Variants in PPME1 observed in about 807,000 individuals in gnomAD.
PPME1 encodes the protein testicular secretory protein Li 39.
PPME1 carries 17 observed loss-of-function variants against 56.9 expected under a neutral mutation model. The observed-to-expected ratio is 0.30, with a 90% CI of 0.20 to 0.45. The LOEUF (loss-of-function observed/expected upper bound fraction) is 0.45. Among genes scored for constraint, PPME1 ranks in the 20% least tolerant of loss-of-function variants. The probability of loss-of-function intolerance (pLI) is 1.00; values close to 1 mark genes in which losing one functional copy is unlikely to be tolerated. For missense variants in PPME1, 357 were observed against 483.2 expected (o/e 0.74, Z 2.45); for synonymous variants, 122 against 156.2 (o/e 0.78, Z 1.63).
chr11:74,203,858 T>G, intron 2 of PPME1, 37 bp downstream of exon 2: 1 of 1,430,452 alleles, frequency 7.0e-7, no homozygotes. Flanking sequence ...TTAGTGAGCT[T>G]ATGATGTTGT....
At chr11:74,245,966 C>CTGTTGGAAGGATTGAATGTATA in intron 9 of PPME1, 110 bp from the exon 10 acceptor site, 4 of 1,300,870 alleles carry the variant, frequency 3.1e-6, no homozygotes, top group Non-Finnish European at 3.1e-6. Flanking sequence ...TTAGTAGGTC[C>CTGTTGGAAGGATTGAATGTATA]TTAATAAGTG....
chr11:74,195,786 T>A (rs757472897), intron 1 of PPME1, among the ~76,000 whole-genome samples: 4 of 152,250 alleles, frequency 2.6e-5, no homozygotes, highest in Admixed American at 1.3e-4. Flanking sequence ...TTAAATTTTA[T>A]GTATCTTAAA....
chr11:74,186,735 A>G (rs1454488992), intron 1 of PPME1, among the ~76,000 whole-genome samples: 1 of 152,238 alleles, frequency 6.6e-6, no homozygotes, highest in East Asian at 1.9e-4. Flanking sequence ...AAATATTTAG[A>G]AGAGAAAACT....
chr11:74,222,145 C>G (rs1291489857), intron 3 of PPME1, among the ~76,000 whole-genome samples, 167 bp from the exon 4 acceptor site: 2 of 152,142 alleles, frequency 1.3e-5, no homozygotes, highest in Admixed American at 6.5e-5. Flanking sequence ...TATGGCAAAA[C>G]TAGTAGAAAA....
chr11:74,240,019 C>G (rs951632438), intron 9 of PPME1, among the ~76,000 whole-genome samples: 1 of 145,012 alleles, frequency 6.9e-6, no homozygotes, highest in Non-Finnish European at 1.5e-5. Context: ...GGCTGAATTC[C>G]TTGGCTCACG....
chr11:74,171,816 T>G (rs575102157), intron 1 of PPME1, among the ~76,000 whole-genome samples: 1 of 151,684 alleles, frequency 6.6e-6, no homozygotes, highest in Admixed American at 6.6e-5. Context: ...TAAAGGAGGC[T>G]TAGAAAAGGG....
intron 9 of PPME1, among the ~76,000 whole-genome samples, chr11:74,244,307 T>TA (rs1418106371): frequency 1.3e-5 from 2 of 152,236 alleles, no homozygotes; most frequent in African/African-American, 4.8e-5. Flanking sequence ...TCCTGGATCA[T>TA]ACAGTAGTTC....
rs1265994610 is a variant in PPME1 at position 74,230,283 on chromosome 11, T to A, written c.437T>A (p.Leu146His). The A allele has an allele frequency of 1.9e-6, 3 of 1,613,138 alleles. No homozygotes were observed. Among genetic ancestry groups the A allele is most frequent in the Non-Finnish European group, 2.5e-6 (3 of 1,179,582 alleles). The change falls in exon 6 of 14, where the codon CTT (leucine) becomes CAT (histidine). Residue 146 changes from leucine (L) to histidine (H), a missense_variant. Leu to His is a moderately conservative substitution (Grantham distance 99, BLOSUM62 -3). Coordinates refer to ENST00000328257, the MANE Select transcript of PPME1 (RefSeq NM_016147.3). The surrounding 1 kb of genome is among the most constrained non-coding windows in gnomAD (Gnocchi z 4.9). ...GTGGTTGAAGCCATGTATGGGGACC[T>A]TCCTCCTCCAATTATGCTGATTGGA... ...GNVVEAMYGD[L>H]PPPIMLIGHS...
chr11:74,248,107 A>G (rs1364184174), intron 11 of PPME1: 1 of 152,510 alleles, frequency 6.6e-6, no homozygotes, highest in Non-Finnish European at 1.5e-5. Context: ...TGTTAGCTAG[A>G]TAACAGTGGA....
At chr11:74,183,410 A>C (rs1349601621) in intron 1 of PPME1, among the ~76,000 whole-genome samples, 1 of 152,246 alleles carries the variant, frequency 6.6e-6, no homozygotes, top group East Asian at 1.9e-4. Context: ...TGTGAGGCAC[A>C]GAAAACTATA....
At chr11:74,221,841 T>A (rs766118842) in intron 3 of PPME1, among the ~76,000 whole-genome samples, 3 of 152,218 alleles carry the variant, frequency 2.0e-5, no homozygotes, top group Non-Finnish European at 4.4e-5. Context: ...CTTAAGTGAA[T>A]CTTTAGTAGA....
intron 11 of PPME1, chr11:74,249,826 CT>C (rs1291439675): frequency 6.6e-6 from 1 of 152,208 alleles, no homozygotes; most frequent in African/African-American, 2.4e-5. Flanking sequence ...GCATTAACAA[CT>C]TTAGGAGCTA....
At chr11:74,184,246 AT>A (rs1857613056) in intron 1 of PPME1, among the ~76,000 whole-genome samples, 1 of 152,226 alleles carries the variant, frequency 6.6e-6, no homozygotes, top group South Asian at 2.1e-4. Context: ...ACCATTGTTC[AT>A]TATATATAAA....
intron 1 of PPME1, among the ~76,000 whole-genome samples, chr11:74,175,679 T>C (rs1002336426): frequency 6.6e-6 from 1 of 152,142 alleles, no homozygotes; most frequent in South Asian, 2.1e-4. Flanking sequence ...CACTTCATCC[T>C]CTTGAGTAGG....
intron 4 of PPME1, 39 bp from the exon 5 acceptor site, chr11:74,225,166 G>A (rs1263706444): frequency 5.9e-6 from 8 of 1,349,218 alleles, no homozygotes; most frequent in Non-Finnish European, 8.2e-6. Context: ...TATAATTCCT[G>A]TCTGTGGGAA....
intron 4 of PPME1, among the ~76,000 whole-genome samples, chr11:74,223,102 C>A (rs1858842902): frequency 6.6e-6 from 1 of 151,778 alleles, no homozygotes; most frequent in South Asian, 2.1e-4. Flanking sequence ...CTTCCCCCAC[C>A]CCACCACAGT....
chr11:74,223,045 A>C (rs1858839929), intron 4 of PPME1, among the ~76,000 whole-genome samples: 1 of 151,344 alleles, frequency 6.6e-6, no homozygotes, highest in Non-Finnish European at 1.5e-5. Context: ...GCACCCACCA[A>C]CTCGTCATCT....
At position 74,230,147 on chromosome 11, in the gene PPME1, C is replaced by A; in HGVS notation, c.399-98C>A. ...GGCCCAATAGACTTTTACAGTTTCC[C>A]AGCACTGTTACACACCAAAGAAAGG... is the stretch of plus-strand genomic sequence containing the variant. On this transcript the variant is annotated intron_variant, in intron 5 of 13. Transcript: ENST00000328257. This position sits in a 1 kb window ranked among gnomAD's most constrained non-coding sequence, Gnocchi z 4.9. 7.5e-7 allele frequency: 1 copy of A among 1,332,454 alleles called. No individual in the cohort carries two copies. The highest frequency in any genetic ancestry group is 1.4e-5 in the South Asian group (1 of 69,456). The allele number at this position is 1,332,454 out of a possible 1,614,324, so 82.5% of individuals were successfully genotyped here.
Position 74,222,312 on chromosome 11 carries a change from G to A in PPME1, c.289G>A (p.Ala97Thr), listed in dbSNP as rs369415883. 3 of 1,609,186 alleles carry A rather than the reference G, an allele frequency of 1.9e-6. No individual in the cohort carries two copies. Among genetic ancestry groups the A allele is most frequent in the Non-Finnish European group, 1.7e-6 (2 of 1,175,814 alleles). ...HSALSWAVFT[A>T]AIISRVQCRI... is the part of the protein sequence containing the mutation. Reference sequence around the variant, plus strand: ...TAACTACTTTTCCTTTTTCTCCTAGGCAGCGATTATTAGTAGAGTTCAGTG... The same window carrying A: ...TAACTACTTTTCCTTTTTCTCCTAGACAGCGATTATTAGTAGAGTTCAGTG... The change falls in exon 4 of 14, where the codon GCA becomes ACA. Residue 97 changes from alanine to threonine, a missense_variant and splice_region_variant. Transcript: ENST00000328257.
Sources: gnomAD v4.1 joint callset for allele counts (sites outside exome capture counted in the v4.1 genomes callset) on GRCh38, gnomAD v4.1.1 for gene constraint, Gnocchi (gnomAD v3.1) non-coding constraint, MANE v1.5 for transcripts, NCBI Gene and HGNC (gene_info 2026-07-23, HGNC 2026-07-21) for gene names.